Variants in ANKRD33B observed in about 807,000 individuals in gnomAD.
The protein encoded by ANKRD33B is ankyrin repeat domain-containing protein 33B.
In ANKRD33B, 6 loss-of-function variants were observed where a neutral mutation model predicts 21.5. The observed-to-expected ratio is 0.28, with a 90% CI of 0.15 to 0.55. The LOEUF is 0.55. Among genes scored for constraint, ANKRD33B ranks in the 20% least tolerant of loss-of-function variants. The pLI, the probability that ANKRD33B is intolerant of heterozygous loss-of-function variation, is 0.94. For missense variants in ANKRD33B, 698 were observed against 747.2 expected, an observed-to-expected ratio of 0.93 and a Z score of 0.77; for synonymous variants, 347 against 342.4, an observed-to-expected ratio of 1.01 and a Z score of -0.15.
At chr5:10,613,347 C>T (rs933736572) in intron 1 of ANKRD33B, among the ~76,000 whole-genome samples, 3 of 148,390 alleles carry the variant, frequency 2.0e-5, no homozygotes, top group Admixed American at 1.3e-4. Flanking sequence ...TGCAGTGGCA[C>T]GATCTCAGCT....
chr5:10,601,815 A>G (rs1225473479), intron 1 of ANKRD33B, among the ~76,000 whole-genome samples: 3 of 152,206 alleles, frequency 2.0e-5, no homozygotes, highest in Non-Finnish European at 2.9e-5. Context: ...AGTACAAGCC[A>G]CAATATCTCG....
chr5:10,649,558 G>T lies in ANKRD33B; in HGVS notation c.930G>T (p.Arg310=), dbSNP rs1292186095. 6.5e-7 allele frequency: 1 copy of T among 1,526,944 alleles called. No homozygotes were observed. The highest frequency in any genetic ancestry group is 1.2e-5 in the South Asian group (1 of 83,102). The allele number at this position is 1,526,944 out of a possible 1,614,324, so 94.6% of individuals were successfully genotyped here. A position where few individuals can be genotyped will look rare whatever the true frequency, so the allele number is the denominator to read the frequency against. Residue 310 remains arginine (R), a synonymous_variant, in exon 4 of 4, where the codon CGG becomes CGT. Transcript: ENST00000296657. The part of the protein sequence containing the change: ...EDGGVLDHMV[R]MTTSLYSPAV... ...GGGGCGTCCTGGACCACATGGTCCGGATGACCACGAGCCTCTACAGCCCCG... is the reference window on the plus strand; with the variant it reads ...GGGGCGTCCTGGACCACATGGTCCGTATGACCACGAGCCTCTACAGCCCCG...
intron 1 of ANKRD33B, among the ~76,000 whole-genome samples, chr5:10,581,360 C>G (rs979435290): frequency 6.6e-6 from 1 of 152,242 alleles, no homozygotes; most frequent in Non-Finnish European, 1.5e-5. Context: ...GGGAGAGCAG[C>G]CTGTTTGAGG....
At chr5:10,568,355 GA>G (rs1439277618) in intron 1 of ANKRD33B, among the ~76,000 whole-genome samples, 1 of 152,196 alleles carries the variant, frequency 6.6e-6, no homozygotes, top group Non-Finnish European at 1.5e-5. Context: ...ACTATCACCT[GA>G]AGTTCACCTT....
At chr5:10,603,004 C>T (rs1363646845) in intron 1 of ANKRD33B, among the ~76,000 whole-genome samples, 7 of 151,738 alleles carry the variant, frequency 4.6e-5, no homozygotes, top group African/African-American at 1.7e-4. Flanking sequence ...TGTAGAGACG[C>T]GGTTTTGCCA....
intron 1 of ANKRD33B, among the ~76,000 whole-genome samples, chr5:10,592,073 GGTGTGTGTGT>G (rs55668434): frequency 1.3e-5 from 2 of 149,994 alleles, no homozygotes; most frequent in Non-Finnish European, 1.5e-5. Context: ...TTGATTTTAT[GGTGTGTGTGT>G]GTGTGTGTGT....
intron 2 of ANKRD33B, among the ~76,000 whole-genome samples, chr5:10,624,509 G>A (rs987857616): frequency 6.6e-6 from 1 of 151,908 alleles, no homozygotes; most frequent in African/African-American, 2.4e-5. Context: ...GCCACTGTGT[G>A]CACCCACCCT....
At chr5:10,630,124 C>A (rs1736670954) in intron 2 of ANKRD33B, among the ~76,000 whole-genome samples, 1 of 152,198 alleles carries the variant, frequency 6.6e-6, no homozygotes, top group African/African-American at 2.4e-5. Context: ...GCATGCATGT[C>A]AGCTAGTTAT....
Position 10,604,286 on chromosome 5 carries a change from G to A in ANKRD33B, c.367-14047G>A, listed in dbSNP as rs368315227. On this transcript the variant is annotated intron_variant, in intron 1 of 3. Transcript: ENST00000296657. Reference sequence around the variant, plus strand: ...GGCTCACTGCAACCTCCGCTTCCTGGGTTCAAGTGATTCTCCCACCTCAGC... The same window carrying A: ...GGCTCACTGCAACCTCCGCTTCCTGAGTTCAAGTGATTCTCCCACCTCAGC... 2.4e-4 allele frequency among the ~76,000 whole-genome samples: 36 copies of A among 149,838 alleles called. 1 individual carries two copies. In the South Asian group the frequency reaches 7.4e-3, roughly 31 times the overall value.
Position 10,655,458 on chromosome 5 carries a change from G to A in ANKRD33B, c.*5345G>A, listed in dbSNP as rs554166986. The A allele has an allele frequency of 9.8e-5, 15 of 152,496 alleles. No individual in the cohort carries two copies. The highest frequency in any genetic ancestry group is 2.2e-4 in the African/African-American group (9 of 41,552). 9.4% of individuals were successfully genotyped at this position (152,496 alleles called of 1,614,324 possible). Reference sequence around the variant, plus strand: ...AGCCCCACCGGCCACACTACATGACGTGGGAAGGCTGTCCGTTCATCCTTA... The same window carrying A: ...AGCCCCACCGGCCACACTACATGACATGGGAAGGCTGTCCGTTCATCCTTA... On this transcript the variant is annotated 3_prime_UTR_variant, in exon 4 of 4. Coordinates refer to ENST00000296657, the MANE Select transcript of ANKRD33B (RefSeq NM_001164440.2).
chr5:10,612,928 C>A (rs934657830), intron 1 of ANKRD33B, among the ~76,000 whole-genome samples: 1 of 152,206 alleles, frequency 6.6e-6, no homozygotes, highest in African/African-American at 2.4e-5. Flanking sequence ...AGACATCTCC[C>A]CCGACCTATT....
intron 1 of ANKRD33B, among the ~76,000 whole-genome samples, chr5:10,586,243 G>A (rs1735557232): frequency 6.6e-6 from 1 of 152,044 alleles, no homozygotes; most frequent in South Asian, 2.1e-4. Flanking sequence ...TGGAGCCCCT[G>A]TATACAGAGT....
rs563682936 is a variant in ANKRD33B, at chr5:10,618,282, C to G, written c.367-51C>G. 7.2e-6 allele frequency: 11 copies of G among 1,535,288 alleles called. No homozygotes were observed. In the African/African-American group the frequency reaches 1.4e-4, roughly 19 times the overall value. On this transcript the variant is annotated intron_variant, in intron 1 of 3. Coordinates refer to ENST00000296657, the MANE Select transcript of ANKRD33B (RefSeq NM_001164440.2). ...CCCCTCGGGGTCCCCAGTGCTGACCCACCATGCTCCGACTCTGCCCCTCTG... is the reference window on the plus strand; with the variant it reads ...CCCCTCGGGGTCCCCAGTGCTGACCGACCATGCTCCGACTCTGCCCCTCTG...
At chr5:10,578,965 A>T (rs2126550767) in intron 1 of ANKRD33B, among the ~76,000 whole-genome samples, 2 of 152,128 alleles carry the variant, frequency 1.3e-5, no homozygotes, top group South Asian at 4.2e-4. Context: ...GGAGTTCAAT[A>T]CCAGCCTGGG....
chr5:10,649,263 C>T lies in ANKRD33B; in HGVS notation c.638-3C>T. The T allele has an allele frequency of 1.3e-6, 2 of 1,514,540 alleles. No homozygotes were observed. The highest frequency in any genetic ancestry group is 1.8e-6 in the Non-Finnish European group (2 of 1,132,048). 93.8% of individuals were successfully genotyped at this position (1,514,540 alleles called of 1,614,324 possible). On this transcript the variant is annotated splice_region_variant and splice_polypyrimidine_tract_variant and intron_variant, in intron 3 of 3. Transcript: ENST00000296657. Reference sequence around the variant, plus strand: ...ACTTCTGTTTGTGTTTTGCGTTTTGCAGGGGCGGATGTCCACGCGAGGGAC... The same window carrying T: ...ACTTCTGTTTGTGTTTTGCGTTTTGTAGGGGCGGATGTCCACGCGAGGGAC...
chr5:10,650,038 A>T lies in ANKRD33B; in HGVS notation c.1410A>T (p.Ala470=), dbSNP rs56969869. Residue 470 remains alanine, a synonymous_variant, in exon 4 of 4, where the codon GCA becomes GCT. Coordinates refer to ENST00000296657, the MANE Select transcript of ANKRD33B (RefSeq NM_001164440.2). ...YKEAKEEKRK[A]EEAEKKRQAE... Reference sequence around the variant, plus strand: ...AGGCCAAGGAGGAGAAGAGGAAGGCAGAGGAGGCCGAAAAGAAGCGCCAGG... The same window carrying T: ...AGGCCAAGGAGGAGAAGAGGAAGGCTGAGGAGGCCGAAAAGAAGCGCCAGG... The T allele has an allele frequency of 3.9e-6, 6 of 1,530,806 alleles. No individual in the cohort carries two copies. Among genetic ancestry groups the T allele is most frequent in the Non-Finnish European group, 1.7e-6 (2 of 1,143,474 alleles). 94.8% of individuals were successfully genotyped at this position (1,530,806 alleles called of 1,614,324 possible).
At position 10,635,208 on chromosome 5, in the gene ANKRD33B, C is replaced by T. The variant is rs1471368174; in HGVS notation, c.497-2820C>T. Reference sequence around the variant, plus strand: ...ATCCTGCAGAAGATTGTGACGGACACGCTATTTCACAGTTTAAAGAAATGG... The same window carrying T: ...ATCCTGCAGAAGATTGTGACGGACATGCTATTTCACAGTTTAAAGAAATGG... On this transcript the variant is annotated intron_variant, in intron 2 of 3. Coordinates refer to ENST00000296657, the MANE Select transcript of ANKRD33B (RefSeq NM_001164440.2). 5.3e-5 allele frequency among the ~76,000 whole-genome samples: 8 copies of T among 152,238 alleles called. No individual in the cohort carries two copies. In the South Asian group the frequency reaches 1.0e-3, roughly 20 times the overall value.
rs890634166 is a variant in ANKRD33B at position 10,650,181 on chromosome 5, A to G, written c.*68A>G. 2.9e-6 allele frequency: 4 copies of G among 1,386,310 alleles called. No individual in the cohort carries two copies. Among genetic ancestry groups the G allele is most frequent in the African/African-American group, 3.1e-5 (2 of 65,366 alleles). 85.9% of individuals were successfully genotyped at this position (1,386,310 alleles called of 1,614,324 possible). A position where few individuals can be genotyped will look rare whatever the true frequency, so the allele number is the denominator to read the frequency against. On this transcript the variant is annotated 3_prime_UTR_variant, in exon 4 of 4. Coordinates refer to ENST00000296657, the MANE Select transcript of ANKRD33B (RefSeq NM_001164440.2). ...CGGGGCCGCAGGGCTGGGCGCGGAG[A>G]AGGAGGCGGCCCCGTTGCGCATCGC...
At chr5:10,570,397 C>T (rs924932245) in intron 1 of ANKRD33B, among the ~76,000 whole-genome samples, 8 of 152,252 alleles carry the variant, frequency 5.3e-5, no homozygotes, top group African/African-American at 1.9e-4. Context: ...GGACTCATCG[C>T]TGCTCCATTT....
Sources: gnomAD v4.1 joint callset for allele counts (sites outside exome capture counted in the v4.1 genomes callset) on GRCh38, gnomAD v4.1.1 for gene constraint, MANE v1.5 for transcripts, NCBI Gene and HGNC (gene_info 2026-07-23, HGNC 2026-07-21) for gene names.